Variants in DNMT3A observed in about 807,000 individuals in gnomAD.
DNMT3A encodes DNA (cytosine-5)-methyltransferase 3A.
DNMT3A carries 267 observed loss-of-function variants against 117.6 expected under a neutral mutation model. That is an observed-to-expected ratio of 2.27 (90% CI 2.05 to 2.51). DNMT3A has a LOEUF of 2.51. DNMT3A is among the 30% of genes most tolerant of loss of function. The pLI, the probability that DNMT3A is intolerant of heterozygous loss-of-function variation, is 0.00. For synonymous variants in DNMT3A, 432 were observed against 474.8 expected (o/e 0.91, Z 1.17); for missense variants, 1,029 against 1,260.2 (o/e 0.82, Z 2.78).
At chr2:25,251,149 G>A (rs1341054290) in intron 6 of DNMT3A, among the ~76,000 whole-genome samples, 2 of 48,802 alleles carry the variant, frequency 4.1e-5, no homozygotes, top group African/African-American at 1.1e-4. Context: ...GGGGAAGGAA[G>A]AAGCGGGGGG....
At chr2:25,335,398 G>A (rs2035172584) in intron 1 of DNMT3A, among the ~76,000 whole-genome samples, 1 of 152,346 alleles carries the variant, frequency 6.6e-6, no homozygotes, top group Non-Finnish European at 1.5e-5. Flanking sequence ...TGTCTCCCGG[G>A]GTCCTCCAGG....
At chr2:25,341,316 GGCC>G (rs1308910717) in intron 1 of DNMT3A, among the ~76,000 whole-genome samples, 3 of 144,342 alleles carry the variant, frequency 2.1e-5, no homozygotes, top group Non-Finnish European at 4.6e-5. Context: ...CGCTCCCCCG[GGCC>G]GCCGCGGGGG....
At chr2:25,246,089 C>T (rs947447325) in intron 11 of DNMT3A, 25 bp from the exon 12 acceptor site, 3 of 1,614,064 alleles carry the variant, frequency 1.9e-6, no homozygotes, top group Non-Finnish European at 2.5e-6. Flanking sequence ...GAGCTGGCGT[C>T]AGAGGAGGCC....
chr2:25,332,620 G>T (rs1371267814), intron 1 of DNMT3A, among the ~76,000 whole-genome samples: 1 of 152,174 alleles, frequency 6.6e-6, no homozygotes, highest in Non-Finnish European at 1.5e-5. Context: ...CCAACTCGGG[G>T]GCCAGCATCT....
intron 13 of DNMT3A, among the ~76,000 whole-genome samples, chr2:25,244,882 G>C (rs1422552832): frequency 6.6e-6 from 1 of 152,180 alleles, no homozygotes; most frequent in Admixed American, 6.5e-5. Flanking sequence ...GGCCAGGGAG[G>C]GGGCTGCACC....
At position 25,229,063 on chromosome 2, in the gene DNMT3A, C is replaced by G. The variant is rs1672775536; in HGVS notation, c.*5216G>C. 2 of 152,272 alleles carry G rather than the reference C, an allele frequency of 1.3e-5. No individual in the cohort carries two copies. Among genetic ancestry groups the G allele is most frequent in the African/African-American group, 2.4e-5 (1 of 41,424 alleles). The allele number at this position is 152,272 out of a possible 1,614,324, so 9.4% of individuals were successfully genotyped here. On this transcript the variant is annotated 3_prime_UTR_variant, in exon 23 of 23. Coordinates refer to ENST00000321117, the MANE Select transcript of DNMT3A (RefSeq NM_022552.5). The stretch of plus-strand genomic sequence containing the variant: ...GCTCCTTGCTTGTTTCTCCCTCCCC[C>G]AAAACTCTGCTGCCTCGGGTCAGAG...
At chr2:25,260,428 C>CT (rs1256774216) in intron 6 of DNMT3A, among the ~76,000 whole-genome samples, 4 of 152,126 alleles carry the variant, frequency 2.6e-5, no homozygotes, top group African/African-American at 9.7e-5. Flanking sequence ...ACATTGAAGT[C>CT]TAAGAGCATC....
In DNMT3A at chr2:25,245,259, GT is replaced by G. The variant is rs746528594; in HGVS notation, c.1547del (p.Asn516ThrfsTer135). 2 of 1,613,772 alleles carry G rather than the reference GT, an allele frequency of 1.2e-6. No homozygotes were observed. The highest frequency in any genetic ancestry group is 8.5e-7 in the Non-Finnish European group (1 of 1,179,974). On this transcript the variant is annotated frameshift_variant, in exon 13 of 23. Transcript: ENST00000321117. LOFTEE classifies it high-confidence loss of function. ...HPLFVGGMCQ[N>X]CKNCFLECAY... The stretch of plus-strand genomic sequence containing the variant: ...TGGGTGGGTGTGCTCCTACCTTGCA[GT>G]TTTGGCACATTCCTCCAACGAAGAG...
Position 25,333,611 on chromosome 2 carries a change from G to A in DNMT3A, c.-178+8215C>T, listed in dbSNP as rs191153808. Among the ~76,000 whole-genome samples, 518 of 152,302 alleles carry A rather than the reference G, an allele frequency of 3.4e-3. 1 individual carries two copies. Among genetic ancestry groups the A allele is most frequent in the Non-Finnish European group, 5.1e-3 (350 of 68,010 alleles). On this transcript the variant is annotated intron_variant, in intron 1 of 22. Transcript: ENST00000321117. Reference sequence around the variant, plus strand: ...CTCCCAAAGCGCTGGGATTACAGGCGTGAGCCACTGCACCTGGCCACTTGC... The same window carrying A: ...CTCCCAAAGCGCTGGGATTACAGGCATGAGCCACTGCACCTGGCCACTTGC...
chr2:25,265,004 G>A (rs2030164510), intron 6 of DNMT3A, among the ~76,000 whole-genome samples: 1 of 152,168 alleles, frequency 6.6e-6, no homozygotes, highest in Non-Finnish European at 1.5e-5. Context: ...AATGCCGAAA[G>A]CAGAAAGACC....
chr2:25,289,179 T>C (rs937241672), intron 3 of DNMT3A, among the ~76,000 whole-genome samples: 3 of 151,658 alleles, frequency 2.0e-5, no homozygotes, highest in Non-Finnish European at 4.4e-5. Flanking sequence ...CTCGGCTCAC[T>C]GCAACCTCCA....
intron 6 of DNMT3A, among the ~76,000 whole-genome samples, chr2:25,259,271 C>T (rs1161071484): frequency 3.9e-5 from 6 of 152,206 alleles, no homozygotes; most frequent in South Asian, 2.1e-4. Flanking sequence ...CTACCAGTGA[C>T]GGAGTCTGGG....
In DNMT3A at chr2:25,254,195, C is replaced by T. The variant is rs1675915235; in HGVS notation, c.640-5943G>A. Among the ~76,000 whole-genome samples, 1 of 152,160 alleles carries T rather than the reference C, an allele frequency of 6.6e-6. No homozygotes were observed. The highest frequency in any genetic ancestry group is 1.5e-5 in the Non-Finnish European group (1 of 68,034). On this transcript the variant is annotated intron_variant, in intron 6 of 22. Coordinates refer to ENST00000321117, the MANE Select transcript of DNMT3A (RefSeq NM_022552.5). This position sits in a 1 kb window ranked among gnomAD's most constrained non-coding sequence, Gnocchi z 4.7. ...CAAAACGAGTGATGACATCAGCCCT[C>T]TTTGGCCATGGAACGCCACCATCTC...
chr2:25,262,366 A>G (rs985280739), intron 6 of DNMT3A, among the ~76,000 whole-genome samples: 4 of 152,130 alleles, frequency 2.6e-5, no homozygotes, highest in Non-Finnish European at 4.4e-5. Context: ...CCAATAAAGG[A>G]AAAAAATGGG....
chr2:25,245,992 T>A, intron 12 of DNMT3A, 28 bp downstream of exon 12: 1 of 1,613,632 alleles, frequency 6.2e-7, no homozygotes, highest in Non-Finnish European at 8.5e-7. Flanking sequence ...ACACTAGGAG[T>A]GCCAGAGTTC....
intron 22 of DNMT3A, among the ~76,000 whole-genome samples, chr2:25,235,082 T>C (rs1673200369): frequency 2.0e-5 from 3 of 152,126 alleles, no homozygotes; most frequent in Admixed American, 1.3e-4. Context: ...AAAAGACCTA[T>C]AAAATTGGCA....
At chr2:25,265,389 T>C (rs2149351294) in intron 6 of DNMT3A, among the ~76,000 whole-genome samples, 1 of 152,322 alleles carries the variant, frequency 6.6e-6, no homozygotes, top group Admixed American at 6.5e-5. Flanking sequence ...AGGTTAGTCA[T>C]TTGGGTACAC....
chr2:25,302,690 G>A (rs967650098), intron 2 of DNMT3A, among the ~76,000 whole-genome samples: 2 of 152,328 alleles, frequency 1.3e-5, no homozygotes, highest in Admixed American at 1.3e-4. Context: ...CCAGACCCCC[G>A]AGTGTAAGAA....
intron 6 of DNMT3A, among the ~76,000 whole-genome samples, chr2:25,255,034 G>C (rs1675997569): frequency 2.0e-5 from 3 of 152,118 alleles, no homozygotes; most frequent in Admixed American, 2.0e-4. Context: ...CAAGCAAAAG[G>C]AAGCCTAGGC....
Sources: allele counts gnomAD v4.1 joint callset (sites outside exome capture counted in the v4.1 genomes callset), GRCh38; gene constraint gnomAD v4.1.1; non-coding constraint Gnocchi (gnomAD v3.1); transcripts MANE v1.5; gene names NCBI Gene and HGNC (gene_info 2026-07-23, HGNC 2026-07-21).